Variants in STARD9 observed in about 807,000 individuals in gnomAD.
The protein encoded by STARD9 is StAR related lipid transfer domain containing 9.
Under a neutral mutation model 399.8 loss-of-function variants are expected in STARD9, and 346 were observed. That is an observed-to-expected ratio of 0.87 (90% confidence interval 0.79 to 0.95). The LOEUF is 0.95. STARD9 is among the 40% of genes least tolerant of loss of function. The probability of loss-of-function intolerance (pLI) is 0.00; values close to 1 mark genes in which losing one functional copy is unlikely to be tolerated. For synonymous variants in STARD9, 2,203 were observed against 2,143.5 expected (o/e 1.03, Z -0.77); for missense variants, 5,832 against 5,667.5 (o/e 1.03, Z -0.93).
At chr15:42,623,064 C>A (rs2059122562) in intron 3 of STARD9, among the ~76,000 whole-genome samples, 1 of 152,122 alleles carries the variant, frequency 6.6e-6, no homozygotes, top group Non-Finnish European at 1.5e-5. Context: ...CCAGCCAGAC[C>A]AACATGGAGA....
At chr15:42,619,049 CTT>C (rs761417868) in intron 3 of STARD9, among the ~76,000 whole-genome samples, 6 of 151,780 alleles carry the variant, frequency 4.0e-5, no homozygotes, top group African/African-American at 4.8e-5. Flanking sequence ...AGTTTTTACT[CTT>C]TTATTTCAGT....
intron 3 of STARD9, among the ~76,000 whole-genome samples, chr15:42,625,645 C>CT (rs757765153): frequency 7.8e-4 from 19 of 24,298 alleles, no homozygotes; most frequent in South Asian, 2.1e-3. Flanking sequence ...TTTCTTCTTC[C>CT]TATTTTTTTT....
rs186959564 is a variant in STARD9 at position 42,578,733 on chromosome 15, T to C, written c.47+2971T>C. ...AACAAACAGAAGATACTTTTCTGAT[T>C]ATCAGTTTTTGAGACTCAAAGCATC... On this transcript the variant is annotated intron_variant, in intron 1 of 32. Transcript: ENST00000290607. Among the ~76,000 whole-genome samples, 1,010 of 152,266 alleles carry C rather than the reference T, an allele frequency of 6.6e-3. 4 individuals carry two copies. Among genetic ancestry groups the C allele is most frequent in the Middle Eastern group, 0.017 (5 of 294 alleles).
chr15:42,645,191 C>T (rs2059623158), intron 7 of STARD9, among the ~76,000 whole-genome samples: 1 of 152,168 alleles, frequency 6.6e-6, no homozygotes, highest in South Asian at 2.1e-4. Flanking sequence ...TGAATTCTTT[C>T]TGGAAAGTTT....
intron 3 of STARD9, among the ~76,000 whole-genome samples, chr15:42,613,576 G>A (rs944747243): frequency 3.9e-5 from 6 of 152,138 alleles, no homozygotes; most frequent in Non-Finnish European, 1.5e-5. Flanking sequence ...GAGTTGTGAG[G>A]ACTATATTAG....
chr15:42,612,330 G>T (rs2058867220), intron 3 of STARD9, among the ~76,000 whole-genome samples: 1 of 152,092 alleles, frequency 6.6e-6, no homozygotes, highest in African/African-American at 2.4e-5. Flanking sequence ...GAGCACCTAA[G>T]AACATGAGTC....
Position 42,693,698 on chromosome 15 carries a change from G to GC in STARD9, c.12121dup (p.His4041ProfsTer7). 1 of 1,537,134 alleles carries GC rather than the reference G, an allele frequency of 6.5e-7. No homozygotes were observed. The highest frequency in any genetic ancestry group is 8.7e-7 in the Non-Finnish European group (1 of 1,146,928). ...TGCCTGAGAAGGTGGCTTCCCCGGAGCATTGCCCACTGAGCGGTAGGGAGC... is the reference window on the plus strand; with the variant it reads ...TGCCTGAGAAGGTGGCTTCCCCGGAGCCATTGCCCACTGAGCGGTAGGGAGC... On this transcript the variant is annotated frameshift_variant, in exon 23 of 33. Coordinates refer to ENST00000290607, the MANE Select transcript of STARD9 (RefSeq NM_020759.3). LOFTEE classifies it high-confidence loss of function.
intron 28 of STARD9, among the ~76,000 whole-genome samples, 180 bp from the exon 29 acceptor site, chr15:42,717,551 G>A (rs148176549): frequency 0.024 from 3,577 of 152,178 alleles, 78 homozygotes; most frequent in Non-Finnish European, 0.033. Context: ...CTTAAGCCCA[G>A]GAGGTTAACG....
intron 26 of STARD9, among the ~76,000 whole-genome samples, chr15:42,715,517 C>CA (rs1342354155): frequency 7.3e-6 from 1 of 136,772 alleles, no homozygotes; most frequent in Non-Finnish European, 1.5e-5. Context: ...CCTGTCTTTA[C>CA]AAATTTTTTT....
chr15:42,625,635 TTTC>T (rs993579247), intron 3 of STARD9, among the ~76,000 whole-genome samples: 3 of 132,266 alleles, frequency 2.3e-5, no homozygotes, highest in African/African-American at 8.9e-5. Flanking sequence ...TGGCTGCTAT[TTTC>T]TTCTTCCTAT....
intron 26 of STARD9, among the ~76,000 whole-genome samples, chr15:42,697,055 C>G (rs1229708156): frequency 6.6e-6 from 1 of 152,166 alleles, no homozygotes; most frequent in Non-Finnish European, 1.5e-5. Context: ...AAAAGACATA[C>G]AATGTCAGGC....
rs1232805468 is a variant in STARD9, at chr15:42,692,686, T to G, written c.11108T>G (p.Val3703Gly). 1.3e-6 allele frequency: 2 copies of G among 1,536,770 alleles called. No individual in the cohort carries two copies. The highest frequency in any genetic ancestry group is 2.7e-5 in the African/African-American group (2 of 72,900). ...ELLGSLSQPD[V>G]ARREQNTKRD... ...CTTGGGAGTCTCTCCCAGCCAGATG[T>G]GGCCAGAAGGGAGCAGAACACCAAG... The change falls in exon 23 of 33, where the codon GTG (valine) becomes GGG (glycine). Residue 3703 changes from valine to glycine, a missense_variant. Val to Gly is a moderately radical substitution (Grantham distance 109). Transcript: ENST00000290607.
intron 26 of STARD9, among the ~76,000 whole-genome samples, chr15:42,696,152 G>T (rs940948141): frequency 2.6e-5 from 4 of 152,212 alleles, no homozygotes; most frequent in Non-Finnish European, 5.9e-5. Context: ...GACTGTTTGA[G>T]GGATAAATAT....
At chr15:42,639,789 G>C (rs1024809958) in intron 7 of STARD9, among the ~76,000 whole-genome samples, 3 of 151,872 alleles carry the variant, frequency 2.0e-5, no homozygotes, top group Non-Finnish European at 4.4e-5. Context: ...ACTTAAACCT[G>C]GGAGGCAGAG....
chr15:42,658,150 A>G (rs746816014), intron 9 of STARD9, among the ~76,000 whole-genome samples: 7 of 152,104 alleles, frequency 4.6e-5, no homozygotes, highest in Non-Finnish European at 8.8e-5. Context: ...TTGTACTTTT[A>G]TAATTTTTTT....
At chr15:42,662,690 C>T (rs7166373) in intron 10 of STARD9, 104 bp from the exon 11 acceptor site, 182,212 of 674,388 alleles carry the variant, frequency 0.27, 36,155 homozygotes, top group African/African-American at 0.84. Flanking sequence ...TATGTGAGTC[C>T]TTTACAGCAT....
At chr15:42,624,412 A>G (rs2059155398) in intron 3 of STARD9, among the ~76,000 whole-genome samples, 2 of 151,750 alleles carry the variant, frequency 1.3e-5, no homozygotes, top group African/African-American at 2.4e-5. Context: ...TTACATCAGA[A>G]TTTAAGATCT....
In STARD9 at chr15:42,694,291, C is replaced by T. The variant is rs772894340; in HGVS notation, c.12713C>T (p.Ala4238Val). The T allele has an allele frequency of 1.3e-4, 196 of 1,517,144 alleles. No homozygotes were observed. Among genetic ancestry groups the T allele is most frequent in the Middle Eastern group, 3.4e-4 (2 of 5,896 alleles). 94.0% of individuals were successfully genotyped at this position (1,517,144 alleles called of 1,614,324 possible). The part of the protein sequence containing the change: ...LQVLQSGTGE[A>V]LAADEPVTST... ...GTGCTGCAGAGTGGGACAGGGGAGG[C>T]GCTTGCTGCTGATGAACCTGTGACA... The change falls in exon 23 of 33, where the codon GCG becomes GTG. Residue 4238 changes from alanine to valine, a missense_variant. By Grantham distance (64) the Ala-to-Val change is moderately conservative (BLOSUM62 0). This residue lies in a region of STARD9 where 5,828 missense variants were observed against 5,651.1 expected (regional missense o/e 1.03). Coordinates refer to ENST00000290607, the MANE Select transcript of STARD9 (RefSeq NM_020759.3).
intron 3 of STARD9, among the ~76,000 whole-genome samples, chr15:42,623,180 A>C (rs2059126017): frequency 6.6e-6 from 1 of 152,032 alleles, no homozygotes; most frequent in Non-Finnish European, 1.5e-5. Context: ...TGAACCTGGG[A>C]GGCGGAGGTT....
Sources: allele counts gnomAD v4.1 joint callset (sites outside exome capture counted in the v4.1 genomes callset), GRCh38; gene constraint gnomAD v4.1.1; regional missense constraint gnomAD v4.1.1; transcripts MANE v1.5; gene names NCBI Gene and HGNC (gene_info 2026-07-23, HGNC 2026-07-21).